The following GREM2 variants were observed in gnomAD, a reference collection of about 807,000 sequenced individuals.
The protein encoded by GREM2 is gremlin-2.
A neutral mutation model predicts 14.2 loss-of-function variants in GREM2; 11 were observed. That is an observed-to-expected ratio of 0.78 (90% CI 0.49 to 1.28). The LOEUF (loss-of-function observed/expected upper bound fraction) is 1.28, where lower values mean the gene tolerates loss of function less well. Among genes scored for constraint, GREM2 ranks in the 50% most tolerant of loss-of-function variants. The pLI is 0.00. For missense variants in GREM2, 210 were observed against 218.5 expected (o/e 0.96, Z 0.24); for synonymous variants, 98 against 97.6 (o/e 1.00, Z -0.02).
intron 1 of GREM2, among the ~76,000 whole-genome samples, chr1:240,568,075 C>T (rs899736953): frequency 3.9e-5 from 6 of 152,026 alleles, no homozygotes; most frequent in Non-Finnish European, 7.4e-5. Context: ...CACCACTGCA[C>T]TCCAGCCTGG....
At chr1:240,546,194 C>T (rs78499628) in intron 1 of GREM2, among the ~76,000 whole-genome samples, 5,043 of 152,108 alleles carry the variant, frequency 0.033, 285 homozygotes, top group African/African-American at 0.12. Context: ...CAAAAATTAG[C>T]CAGGCATGGT....
chr1:240,550,899 G>A (rs77050730), intron 1 of GREM2, among the ~76,000 whole-genome samples: 3 of 152,010 alleles, frequency 2.0e-5, no homozygotes, highest in Admixed American at 6.6e-5. Context: ...TACACCCTTC[G>A]TTATTTAGAC....
chr1:240,591,138 T>A (rs1679707515), intron 1 of GREM2, among the ~76,000 whole-genome samples: 1 of 152,174 alleles, frequency 6.6e-6, no homozygotes, highest in African/African-American at 2.4e-5. Flanking sequence ...AAAGGAAATT[T>A]CCCTGTCCAC....
At chr1:240,512,778 G>C (rs1677861803) in intron 1 of GREM2, among the ~76,000 whole-genome samples, 2 of 152,110 alleles carry the variant, frequency 1.3e-5, no homozygotes, top group South Asian at 4.1e-4. Context: ...GACAGAATTT[G>C]TTATACATTT....
chr1:240,516,391 C>T (rs1019215074), intron 1 of GREM2, among the ~76,000 whole-genome samples: 5 of 152,116 alleles, frequency 3.3e-5, no homozygotes, highest in African/African-American at 4.8e-5. Flanking sequence ...TCTGTTTTCT[C>T]TTTATCAAAA....
intron 1 of GREM2, among the ~76,000 whole-genome samples, chr1:240,587,798 A>G (rs750788369): frequency 6.6e-6 from 1 of 152,212 alleles, no homozygotes; most frequent in South Asian, 2.1e-4. Flanking sequence ...CTGTGTTTTT[A>G]TTGTGAAAGA....
At position 240,542,575 on chromosome 1, in the gene GREM2, C is replaced by A. The variant is rs543636944; in HGVS notation, c.-1-49099G>T. Among the ~76,000 whole-genome samples the A allele has an allele frequency of 2.5e-4, 38 of 151,740 alleles. No homozygotes were observed. Among genetic ancestry groups the A allele is most frequent in the Non-Finnish European group, 5.2e-4 (35 of 67,956 alleles). ...GGTTGCAGTGAGCCAAGATTGTGCCCCTGCACTCCAGCCTAGTGACAGAGC... is the reference window on the plus strand; with the variant it reads ...GGTTGCAGTGAGCCAAGATTGTGCCACTGCACTCCAGCCTAGTGACAGAGC... On this transcript the variant is annotated intron_variant, in intron 1 of 1. Transcript: ENST00000318160. This position sits in a 1 kb window ranked among gnomAD's most constrained non-coding sequence, Gnocchi z 4.1.
intron 1 of GREM2, among the ~76,000 whole-genome samples, chr1:240,534,692 C>CAAAAAAAAA (rs5782153): frequency 8.7e-6 from 1 of 115,364 alleles, no homozygotes; most frequent in African/African-American, 2.9e-5. Context: ...GACTCCATCT[C>CAAAAAAAAA]AAAAAAAAAA....
chr1:240,604,219 G>C (rs1288072940), intron 1 of GREM2, among the ~76,000 whole-genome samples: 1 of 151,860 alleles, frequency 6.6e-6, no homozygotes, highest in African/African-American at 2.4e-5. Context: ...CTCCCACCAG[G>C]CCCTACCTCC....
At chr1:240,509,932 A>C (rs1252137330) in intron 1 of GREM2, among the ~76,000 whole-genome samples, 1 of 152,182 alleles carries the variant, frequency 6.6e-6, no homozygotes, top group Non-Finnish European at 1.5e-5. Flanking sequence ...CTGCTCTCAA[A>C]TATTTGAAGG....
intron 1 of GREM2, among the ~76,000 whole-genome samples, chr1:240,595,911 G>T (rs1209947507): frequency 1.3e-5 from 2 of 152,190 alleles, no homozygotes; most frequent in Non-Finnish European, 2.9e-5. Flanking sequence ...CCTCAAGGGG[G>T]AGTGACTTGA....
chr1:240,603,913 A>C (rs2102873079), intron 1 of GREM2, among the ~76,000 whole-genome samples: 1 of 151,758 alleles, frequency 6.6e-6, no homozygotes, highest in East Asian at 2.0e-4. Flanking sequence ...GTAATTTATA[A>C]GGAAAAGAGG....
chr1:240,526,759 G>GA (rs35682803), intron 1 of GREM2, among the ~76,000 whole-genome samples: 16 of 150,802 alleles, frequency 1.1e-4, no homozygotes, highest in South Asian at 8.4e-4. Flanking sequence ...TCCAAATTAC[G>GA]AAAAAAAAAT....
chr1:240,526,868 G>C (rs993844117), intron 1 of GREM2, among the ~76,000 whole-genome samples: 1 of 152,184 alleles, frequency 6.6e-6, no homozygotes, highest in Admixed American at 6.5e-5. Flanking sequence ...ACTTTTCTGA[G>C]CATATGAAGA....
chr1:240,567,798 AACTG>A (rs1439684537), intron 1 of GREM2, among the ~76,000 whole-genome samples: 1 of 152,206 alleles, frequency 6.6e-6, no homozygotes, highest in East Asian at 1.9e-4. Flanking sequence ...TTTAAAAGAT[AACTG>A]ACTATTTAAA....
chr1:240,541,920 T>A (rs950915254), intron 1 of GREM2, among the ~76,000 whole-genome samples: 3 of 152,180 alleles, frequency 2.0e-5, no homozygotes, highest in African/African-American at 7.2e-5. Flanking sequence ...AGCAATGCCA[T>A]CACTGTCTTT....
chr1:240,602,384 A>T (rs1294626698), intron 1 of GREM2, among the ~76,000 whole-genome samples: 2 of 151,996 alleles, frequency 1.3e-5, no homozygotes, highest in Non-Finnish European at 2.9e-5. Flanking sequence ...ATTTTTTTTT[A>T]AATGGGGCCA....
intron 1 of GREM2, among the ~76,000 whole-genome samples, chr1:240,534,513 C>A (rs1054535874): frequency 3.3e-5 from 5 of 151,976 alleles, no homozygotes; most frequent in Non-Finnish European, 7.4e-5. Flanking sequence ...CACGGTGAAA[C>A]CCTGTCTCTA....
intron 1 of GREM2, chr1:240,531,714 CTT>C (rs11353211): frequency 0.39 from 356,687 of 912,318 alleles, 47,206 homozygotes; most frequent in Admixed American, 0.42. Context: ...TTTTCTTCTT[CTT>C]TTTTTTTTTT....
Sources: allele counts gnomAD v4.1 joint callset (sites outside exome capture counted in the v4.1 genomes callset), GRCh38; gene constraint gnomAD v4.1.1; non-coding constraint Gnocchi (gnomAD v3.1); transcripts MANE v1.5; gene names NCBI Gene and HGNC (gene_info 2026-07-23, HGNC 2026-07-21).